RALGPS1: variants seen among roughly 807,000 people sequenced by gnomAD.
The protein encoded by RALGPS1 is Ral GEF with PH domain and SH3 binding motif 1, also known as ras-specific guanine nucleotide-releasing factor RalGPS1.
RALGPS1 carries 19 observed loss-of-function variants against 78.8 expected under a neutral mutation model. That is an observed-to-expected ratio of 0.24 (90% CI 0.17 to 0.35). The LOEUF (loss-of-function observed/expected upper bound fraction) is 0.35. Ranked by LOEUF, RALGPS1 falls within the 10% of genes least tolerant of loss-of-function variation. The pLI is 1.00. For synonymous variants in RALGPS1, 228 were observed against 256.3 expected, an observed-to-expected ratio of 0.89 and a Z score of 1.06; for missense variants, 454 against 688.3, an observed-to-expected ratio of 0.66 and a Z score of 3.81.
At chr9:127,169,102 G>A (rs2059436424) in intron 10 of RALGPS1, among the ~76,000 whole-genome samples, 1 of 152,112 alleles carries the variant, frequency 6.6e-6, no homozygotes, top group Non-Finnish European at 1.5e-5. Context: ...TATGAACTTG[G>A]ACCCCACAGC....
At position 127,196,597 on chromosome 9, in the gene RALGPS1, C is replaced by A; in HGVS notation, c.1161C>A (p.Thr387=). The change falls in exon 13 of 19, where the codon ACC becomes ACA. Residue 387 remains threonine, a synonymous_variant. Transcript: ENST00000259351. ...SRSPRRGLAL[T]SSSAVTNGLS... is the part of the protein sequence containing the mutation. ...GCCCCCGAAGGGGCCTGGCTCTGAC[C>A]TCCTCCTCTGCTGTCACCAATGGAC... The A allele has an allele frequency of 6.2e-7, 1 of 1,612,106 alleles. No individual in the cohort carries two copies. The highest frequency in any genetic ancestry group is 8.5e-7 in the Non-Finnish European group (1 of 1,178,820).
intron 8 of RALGPS1, among the ~76,000 whole-genome samples, chr9:127,136,237 C>T (rs2057383771): frequency 1.3e-5 from 2 of 152,194 alleles, no homozygotes; most frequent in African/African-American, 4.8e-5. Flanking sequence ...GCAGAAGCAC[C>T]CCCTGAGCTC....
chr9:127,172,294 GGTGTTGCT>G (rs1191736712), intron 10 of RALGPS1, among the ~76,000 whole-genome samples: 3 of 152,132 alleles, frequency 2.0e-5, no homozygotes. Flanking sequence ...CTGGGCTTTG[GGTGTTGCT>G]GTAGAGAATG....
intron 14 of RALGPS1, chr9:127,210,902 C>T: frequency 5.1e-6 from 4 of 791,438 alleles, no homozygotes; most frequent in Non-Finnish European, 8.0e-6. Context: ...CATGAGTCTA[C>T]TGCCAGGTGC....
chr9:126,943,096 T>G (rs1157443657), intron 1 of RALGPS1, among the ~76,000 whole-genome samples: 1 of 152,172 alleles, frequency 6.6e-6, no homozygotes, highest in East Asian at 1.9e-4. Flanking sequence ...TTATAGTTCA[T>G]TGATGTCATC....
intron 5 of RALGPS1, among the ~76,000 whole-genome samples, chr9:127,040,029 C>A (rs1386067322): frequency 6.6e-6 from 1 of 152,162 alleles, no homozygotes; most frequent in Non-Finnish European, 1.5e-5. Context: ...AATGGTTAGA[C>A]CCATCCCCTT....
intron 8 of RALGPS1, among the ~76,000 whole-genome samples, chr9:127,136,828 C>T (rs2057430369): frequency 6.6e-6 from 1 of 152,130 alleles, no homozygotes; most frequent in Non-Finnish European, 1.5e-5. Context: ...ACTCCAAACC[C>T]AAGCTCTTTT....
At chr9:126,931,545 G>T (rs560186439) in intron 1 of RALGPS1, among the ~76,000 whole-genome samples, 1 of 152,318 alleles carries the variant, frequency 6.6e-6, no homozygotes, top group South Asian at 2.1e-4. Flanking sequence ...GATTCTGTCT[G>T]TATGAAACGT....
intron 4 of RALGPS1, among the ~76,000 whole-genome samples, chr9:126,981,080 G>A (rs1291334221): frequency 1.3e-5 from 2 of 152,198 alleles, no homozygotes; most frequent in Non-Finnish European, 2.9e-5. Flanking sequence ...CATGCTGTTT[G>A]CCAACTCTGT....
chr9:127,026,607 G>T (rs1213767844), intron 4 of RALGPS1, among the ~76,000 whole-genome samples: 7 of 152,188 alleles, frequency 4.6e-5, no homozygotes, highest in Admixed American at 2.0e-4. Context: ...CGTTAGAGGG[G>T]TTTTTTCTAA....
At chr9:126,954,479 C>T (rs1431760283) in intron 1 of RALGPS1, among the ~76,000 whole-genome samples, 2 of 152,206 alleles carry the variant, frequency 1.3e-5, no homozygotes, top group African/African-American at 4.8e-5. Context: ...GATCATGTCA[C>T]TCCCCTGCTC....
chr9:126,965,896 A>G lies in RALGPS1; in HGVS notation c.110A>G (p.Lys37Arg). ...GGCCAGAGCTGCGACTATGCCAGCA[A>G]GAGCTATGATGCCGTTGTCTTCGAT... ...LEGQSCDYAS[K>R]SYDAVVFDVL... Residue 37 changes from lysine to arginine, a missense_variant, in exon 3 of 19, where the codon AAG becomes AGG. By Grantham distance (26) the Lys-to-Arg change is conservative. Coordinates refer to ENST00000259351, the MANE Select transcript of RALGPS1 (RefSeq NM_014636.3). 1 of 1,613,876 alleles carries G rather than the reference A, an allele frequency of 6.2e-7. No homozygotes were observed. The highest frequency in any genetic ancestry group is 8.5e-7 in the Non-Finnish European group (1 of 1,179,724).
chr9:127,037,908 C>T (rs567463394), intron 5 of RALGPS1, among the ~76,000 whole-genome samples: 8 of 152,296 alleles, frequency 5.3e-5, no homozygotes, highest in South Asian at 2.1e-4. Context: ...GGAGGAGAGG[C>T]GGTAGGCCTA....
chr9:127,101,685 G>A (rs1028007891), intron 8 of RALGPS1, among the ~76,000 whole-genome samples: 1 of 152,216 alleles, frequency 6.6e-6, no homozygotes, highest in Admixed American at 6.5e-5. Flanking sequence ...AGCCTGGACA[G>A]TTTGTAGTGG....
At chr9:127,095,446 G>A (rs2136570117) in intron 8 of RALGPS1, among the ~76,000 whole-genome samples, 1 of 152,294 alleles carries the variant, frequency 6.6e-6, no homozygotes, top group East Asian at 1.9e-4. Context: ...GACTGGTTAA[G>A]GACAAAAGTG....
At chr9:127,157,656 A>C (rs2058778799) in intron 8 of RALGPS1, among the ~76,000 whole-genome samples, 1 of 151,990 alleles carries the variant, frequency 6.6e-6, no homozygotes, top group Admixed American at 6.5e-5. Flanking sequence ...GATTACTGTT[A>C]TATAAGAATG....
intron 8 of RALGPS1, among the ~76,000 whole-genome samples, chr9:127,132,209 G>GA (rs1260401430): frequency 1.3e-5 from 2 of 152,182 alleles, no homozygotes; most frequent in South Asian, 2.1e-4. Flanking sequence ...TTGACCCTGG[G>GA]AAAATGTAGC....
chr9:127,218,912 C>T lies in RALGPS1; in HGVS notation c.*143C>T. On this transcript the variant is annotated 3_prime_UTR_variant, in exon 19 of 19. Coordinates refer to ENST00000259351, the MANE Select transcript of RALGPS1 (RefSeq NM_014636.3). This position sits in a 1 kb window ranked among gnomAD's most constrained non-coding sequence, Gnocchi z 4.4. ...ACTCAGGGGACACGGCCTGTGGCCT[C>T]ACCATCCCAGAGGGCTTCACCAGTG... The T allele has an allele frequency of 4.3e-6, 4 of 941,054 alleles. No individual in the cohort carries two copies. The highest frequency in any genetic ancestry group is 6.8e-6 in the Non-Finnish European group (4 of 584,418). 58.3% of individuals were successfully genotyped at this position (941,054 alleles called of 1,614,324 possible). A position where few individuals can be genotyped will look rare whatever the true frequency, so the allele number is the denominator to read the frequency against.
intron 4 of RALGPS1, among the ~76,000 whole-genome samples, chr9:127,022,358 A>T (rs2045536769): frequency 6.6e-6 from 1 of 151,708 alleles, no homozygotes; most frequent in African/African-American, 2.4e-5. Context: ...CACTTACCAA[A>T]CTTGATTCTA....
Sources: gnomAD v4.1 joint callset for allele counts (sites outside exome capture counted in the v4.1 genomes callset) on GRCh38, gnomAD v4.1.1 for gene constraint, Gnocchi (gnomAD v3.1) non-coding constraint, MANE v1.5 for transcripts, NCBI Gene and HGNC (gene_info 2026-07-23, HGNC 2026-07-21) for gene names.